The following BBS9 variants were observed in gnomAD, a reference collection of about 807,000 sequenced individuals.
The protein encoded by BBS9 is Bardet-Biedl syndrome 9, also known as protein PTHB1.
In BBS9, 89 loss-of-function variants were observed where a neutral mutation model predicts 117.7. That is an observed-to-expected ratio of 0.76 (90% CI 0.64 to 0.90). The LOEUF (loss-of-function observed/expected upper bound fraction) is 0.90, where lower values mean the gene tolerates loss of function less well. BBS9 is among the 40% of genes least tolerant of loss of function. The probability of loss-of-function intolerance (pLI) is 0.00; values close to 1 mark genes in which losing one functional copy is unlikely to be tolerated. For missense variants in BBS9, 982 were observed against 1,042.2 expected, an observed-to-expected ratio of 0.94 and a Z score of 0.80; for synonymous variants, 379 against 370.9, an observed-to-expected ratio of 1.02 and a Z score of -0.25.
chr7:33,348,825 A>G (rs1163052454), intron 12 of BBS9, among the ~76,000 whole-genome samples: 1 of 152,182 alleles, frequency 6.6e-6, no homozygotes, highest in African/African-American at 2.4e-5. Flanking sequence ...GATATTGAGC[A>G]TCTTTGCATG....
intron 5 of BBS9, among the ~76,000 whole-genome samples, chr7:33,205,352 T>C (rs1243141892): frequency 6.6e-6 from 1 of 152,216 alleles, no homozygotes; most frequent in Non-Finnish European, 1.5e-5. Flanking sequence ...AACCAGTATT[T>C]CAGTTTTGTT....
rs1864520235 is a variant in BBS9 at position 33,605,928 on chromosome 7, G to A, written c.*702G>A. Reference sequence around the variant, plus strand: ...TTGGGTGGCACCTTTTAAAAATCCAGGTTATTAAAGGATTCACACTTTATT... The same window carrying A: ...TTGGGTGGCACCTTTTAAAAATCCAAGTTATTAAAGGATTCACACTTTATT... On this transcript the variant is annotated 3_prime_UTR_variant, in exon 23 of 23. Transcript: ENST00000242067. 6.6e-6 allele frequency: 1 copy of A among 152,154 alleles called. No homozygotes were observed. The highest frequency in any genetic ancestry group is 2.4e-5 in the African/African-American group (1 of 41,418). 9.4% of individuals were successfully genotyped at this position (152,154 alleles called of 1,614,324 possible). A position where few individuals can be genotyped will look rare whatever the true frequency, so the allele number is the denominator to read the frequency against.
chr7:33,552,748 GA>G (rs1209733144), intron 21 of BBS9, among the ~76,000 whole-genome samples: 1 of 152,138 alleles, frequency 6.6e-6, no homozygotes, highest in African/African-American at 2.4e-5. Flanking sequence ...ACTGCACTAT[GA>G]AAATCAAAGC....
chr7:33,227,297 G>A (rs559422517), intron 5 of BBS9, among the ~76,000 whole-genome samples: 1 of 151,644 alleles, frequency 6.6e-6, no homozygotes, highest in South Asian at 2.1e-4. Flanking sequence ...ACAGGCACAC[G>A]CCACCATGCC....
chr7:33,328,176 G>T (rs907313062), intron 9 of BBS9, among the ~76,000 whole-genome samples: 7 of 152,300 alleles, frequency 4.6e-5, no homozygotes, highest in Admixed American at 6.5e-5. Flanking sequence ...CATCTGTGGG[G>T]ATCTACTTGT....
chr7:33,572,874 T>C (rs1040079249), intron 21 of BBS9, among the ~76,000 whole-genome samples: 6 of 152,060 alleles, frequency 3.9e-5, no homozygotes, highest in South Asian at 2.1e-4. Context: ...TTAAAATTAA[T>C]ATAGGATTGA....
At chr7:33,229,278 A>T (rs1345619172) in intron 5 of BBS9, among the ~76,000 whole-genome samples, 1 of 152,098 alleles carries the variant, frequency 6.6e-6, no homozygotes, top group Non-Finnish European at 1.5e-5. Flanking sequence ...GTTTTACATT[A>T]GTTCTCTAGA....
At chr7:33,567,635 T>C (rs1208528476) in intron 21 of BBS9, among the ~76,000 whole-genome samples, 1 of 152,186 alleles carries the variant, frequency 6.6e-6, no homozygotes, top group Non-Finnish European at 1.5e-5. Context: ...TTAGTTACTT[T>C]CTGCATGCTG....
At chr7:33,440,887 G>T (rs571516096) in intron 19 of BBS9, among the ~76,000 whole-genome samples, 2 of 152,132 alleles carry the variant, frequency 1.3e-5, no homozygotes, top group Non-Finnish European at 2.9e-5. Context: ...TAGAAGAATG[G>T]TTGCTTTTGG....
chr7:33,624,131 G>T (rs1865535077), intron 21 of BBS9, among the ~76,000 whole-genome samples: 2 of 152,052 alleles, frequency 1.3e-5, no homozygotes, highest in Admixed American at 6.6e-5. Flanking sequence ...TGCCCAATTT[G>T]CAAATCTCTG....
At chr7:33,316,740 G>A (rs970512392) in intron 9 of BBS9, among the ~76,000 whole-genome samples, 2 of 151,824 alleles carry the variant, frequency 1.3e-5, no homozygotes, top group African/African-American at 4.8e-5. Context: ...TTTTTTTTTG[G>A]TTGTTATAGT....
intron 4 of BBS9, among the ~76,000 whole-genome samples, chr7:33,167,190 C>A (rs1562718114): frequency 6.6e-6 from 1 of 152,128 alleles, no homozygotes; most frequent in Non-Finnish European, 1.5e-5. Flanking sequence ...AGTTGTTTCT[C>A]CAATTTAGGT....
At chr7:33,227,750 C>T (rs1369488039) in intron 5 of BBS9, among the ~76,000 whole-genome samples, 1 of 152,138 alleles carries the variant, frequency 6.6e-6, no homozygotes, top group African/African-American at 2.4e-5. Context: ...AGAATAATGG[C>T]CTCCAGCTCC....
chr7:33,578,539 G>A (rs1296862798), intron 21 of BBS9, among the ~76,000 whole-genome samples: 1 of 152,154 alleles, frequency 6.6e-6, no homozygotes, highest in Non-Finnish European at 1.5e-5. Flanking sequence ...TTGTTTTGGT[G>A]GAGAACTCTG....
intron 21 of BBS9, among the ~76,000 whole-genome samples, chr7:33,554,219 G>A (rs1041712817): frequency 1.3e-5 from 2 of 152,072 alleles, no homozygotes; most frequent in African/African-American, 4.8e-5. Flanking sequence ...GATCCTATGA[G>A]TAGTAGGAAG....
rs776219271 is a variant in BBS9 at position 33,272,979 on chromosome 7, G to A, written c.703-33G>A. On this transcript the variant is annotated intron_variant, in intron 7 of 22. Coordinates refer to ENST00000242067, the MANE Select transcript of BBS9 (RefSeq NM_198428.3). ...AAATAACTGAAATTTTCTGAGGTTA[G>A]CAACTAAATTGATATTGAGTTTTGC... The A allele has an allele frequency of 4.4e-6, 7 of 1,604,276 alleles. No homozygotes were observed. In the South Asian group the frequency reaches 5.5e-5, roughly 13 times the overall value.
intron 18 of BBS9, among the ~76,000 whole-genome samples, chr7:33,384,715 T>TGTGTGTGAGA (rs370625971): frequency 2.6e-4 from 37 of 144,714 alleles, no homozygotes; most frequent in South Asian, 4.4e-4. Context: ...TGTGTGTGTG[T>TGTGTGTGAGA]GAGAGAGAGA....
At chr7:33,398,560 A>G (rs535336074) in intron 19 of BBS9, among the ~76,000 whole-genome samples, 1 of 152,282 alleles carries the variant, frequency 6.6e-6, no homozygotes, top group Admixed American at 6.5e-5. Flanking sequence ...AGTGTTTGTT[A>G]TAAGTATGTC....
intron 4 of BBS9, among the ~76,000 whole-genome samples, chr7:33,176,612 A>G (rs1374385252): frequency 6.6e-6 from 1 of 152,254 alleles, no homozygotes; most frequent in Non-Finnish European, 1.5e-5. Flanking sequence ...ATATAAATTT[A>G]TAAATAAATA....
Sources: allele counts gnomAD v4.1 joint callset (sites outside exome capture counted in the v4.1 genomes callset), GRCh38; gene constraint gnomAD v4.1.1; transcripts MANE v1.5; gene names NCBI Gene and HGNC (gene_info 2026-07-23, HGNC 2026-07-21).